The following DYDC1 variants were observed in gnomAD, a reference collection of about 807,000 sequenced individuals.
The protein encoded by DYDC1 is DPY30 domain containing 1.
In DYDC1, 21 loss-of-function variants were observed where a neutral mutation model predicts 27.9. That is an observed-to-expected ratio of 0.75 (90% CI 0.53 to 1.08). The LOEUF (loss-of-function observed/expected upper bound fraction) is 1.08, where lower values mean the gene tolerates loss of function less well. Among genes scored for constraint, DYDC1 ranks in the 50% least tolerant of loss-of-function variants. The probability of loss-of-function intolerance (pLI) is 0.00; values close to 1 mark genes in which losing one functional copy is unlikely to be tolerated. For missense variants in DYDC1, 202 were observed against 205.9 expected (o/e 0.98, Z 0.12); for synonymous variants, 67 against 65.8 (o/e 1.02, Z -0.09).
At chr10:80,350,665 T>C (rs777499339) in intron 3 of DYDC1, among the ~76,000 whole-genome samples, 6 of 152,226 alleles carry the variant, frequency 3.9e-5, no homozygotes, top group Non-Finnish European at 8.8e-5. Flanking sequence ...GGTCTATATT[T>C]TTCTTTCTAT....
At chr10:80,349,928 A>G (rs1842886012) in intron 3 of DYDC1, among the ~76,000 whole-genome samples, 1 of 152,216 alleles carries the variant, frequency 6.6e-6, no homozygotes, top group Admixed American at 6.5e-5. Flanking sequence ...CTAAAATATC[A>G]AGGAATTTCA....
intron 3 of DYDC1, among the ~76,000 whole-genome samples, chr10:80,349,717 G>A (rs960646517): frequency 3.3e-5 from 5 of 152,148 alleles, no homozygotes; most frequent in African/African-American, 1.2e-4. Context: ...ATAACAGTCA[G>A]ATTGATCAAA....
rs1842780980 is a variant in DYDC1, at chr10:80,348,164, T to C, written c.249+3737A>G. On this transcript the variant is annotated intron_variant, in intron 3 of 6. Transcript: ENST00000372202. ...TTTTACAGTTTTCAAGGTATAGATG[T>C]TTCACCTCCTTGGTTACATTTATTC... 2.0e-5 allele frequency among the ~76,000 whole-genome samples: 3 copies of C among 152,244 alleles called. No homozygotes were observed. In the South Asian group the frequency reaches 6.2e-4, roughly 31 times the overall value.
chr10:80,351,776 A>C, intron 3 of DYDC1, 125 bp downstream of exon 3: 1 of 820,886 alleles, frequency 1.2e-6, no homozygotes, highest in Non-Finnish European at 1.9e-6. Flanking sequence ...ATCCATAAAG[A>C]TGAAGATATT....
In DYDC1 at chr10:80,342,180, C is replaced by T; in HGVS notation, c.342+89G>A. ...TGGCATGTCTTCAGACTACAAATCCCATGGTCCTTCTGCTAACAGCTGAAA... is the reference window on the plus strand; with the variant it reads ...TGGCATGTCTTCAGACTACAAATCCTATGGTCCTTCTGCTAACAGCTGAAA... On this transcript the variant is annotated intron_variant, in intron 4 of 6. Transcript: ENST00000372202. The T allele has an allele frequency of 2.3e-6, 3 of 1,299,564 alleles. No individual in the cohort carries two copies. The East Asian group carries it at 7.0e-5, about 30-fold the overall frequency. 80.5% of individuals were successfully genotyped at this position (1,299,564 alleles called of 1,614,324 possible).
intron 1 of DYDC1, chr10:80,356,486 AG>A: frequency 1.0e-6 from 1 of 985,324 alleles, no homozygotes; most frequent in Non-Finnish European, 1.2e-6. Flanking sequence ...GGAGTCTGGA[AG>A]GGTCTCCCGC....
At chr10:80,350,830 G>A (rs1164636640) in intron 3 of DYDC1, among the ~76,000 whole-genome samples, 1 of 152,076 alleles carries the variant, frequency 6.6e-6, no homozygotes, top group Non-Finnish European at 1.5e-5. Context: ...AGCCATTCTG[G>A]AACTTTCCTC....
At chr10:80,337,873 T>C (rs1842184985) in intron 6 of DYDC1, among the ~76,000 whole-genome samples, 1 of 152,236 alleles carries the variant, frequency 6.6e-6, no homozygotes. Context: ...GGCTTACATC[T>C]GCTGATCCGG....
intron 3 of DYDC1, among the ~76,000 whole-genome samples, chr10:80,347,276 C>CTTTTTTTTTTTT (rs556362145): frequency 2.2e-5 from 2 of 90,122 alleles, no homozygotes; most frequent in African/African-American, 4.4e-5. Context: ...AATTGGGATC[C>CTTTTTTTTTTTT]TTTTTTTTTT....
chr10:80,350,629 A>AG (rs1334962408), intron 3 of DYDC1, among the ~76,000 whole-genome samples: 1 of 152,212 alleles, frequency 6.6e-6, no homozygotes, highest in Non-Finnish European at 1.5e-5. Context: ...CAGGGATAGG[A>AG]GGTTAGTCAG....
At chr10:80,353,764 T>C (rs1257861705) in intron 1 of DYDC1, among the ~76,000 whole-genome samples, 5 of 151,960 alleles carry the variant, frequency 3.3e-5, no homozygotes, top group Non-Finnish European at 4.4e-5. Flanking sequence ...TGATACCCAT[T>C]TTTCAGGTAT....
In DYDC1 at chr10:80,351,895, C is replaced by T. The variant is rs1247644375; in HGVS notation, c.249+6G>A. ...AGTCCCCTCTGAACTCTCCTACTTGCCTCACCTGCTGAAGTAAGAGCTCCT... is the reference window on the plus strand; with the variant it reads ...AGTCCCCTCTGAACTCTCCTACTTGTCTCACCTGCTGAAGTAAGAGCTCCT... On this transcript the variant is annotated splice_donor_region_variant and intron_variant, in intron 3 of 6. Transcript: ENST00000372202. 3 of 1,613,852 alleles carry T rather than the reference C, an allele frequency of 1.9e-6. No individual in the cohort carries two copies. Among genetic ancestry groups the T allele is most frequent in the Non-Finnish European group, 2.5e-6 (3 of 1,179,812 alleles).
At chr10:80,351,420 T>A (rs900976620) in intron 3 of DYDC1, among the ~76,000 whole-genome samples, 7 of 150,950 alleles carry the variant, frequency 4.6e-5, no homozygotes, top group Non-Finnish European at 1.0e-4. Flanking sequence ...AAAACATCTC[T>A]CCTTGCTATC....
chr10:80,355,131 A>C (rs1933787047), intron 1 of DYDC1, among the ~76,000 whole-genome samples: 1 of 151,864 alleles, frequency 6.6e-6, no homozygotes, highest in Non-Finnish European at 1.5e-5. Flanking sequence ...ACGACAAAGA[A>C]GAGAAGAGTC....
intron 6 of DYDC1, chr10:80,338,146 T>C: frequency 1.0e-6 from 1 of 985,448 alleles, no homozygotes; most frequent in South Asian, 4.7e-5. Context: ...CAGGGTTTGC[T>C]ACTGAGAACA....
At chr10:80,354,808 C>T (rs1197261609) in intron 1 of DYDC1, among the ~76,000 whole-genome samples, 1 of 152,126 alleles carries the variant, frequency 6.6e-6, no homozygotes, top group Non-Finnish European at 1.5e-5. Flanking sequence ...ATGCCAATGC[C>T]TTGATTTTAG....
intron 3 of DYDC1, among the ~76,000 whole-genome samples, chr10:80,350,862 C>T (rs774633885): frequency 6.6e-6 from 1 of 152,144 alleles, no homozygotes; most frequent in Non-Finnish European, 1.5e-5. Flanking sequence ...TACTCCATGA[C>T]CCATCCCTTC....
At chr10:80,337,025 T>G (rs920683285) in intron 6 of DYDC1, 1 of 689,330 alleles carries the variant, frequency 1.5e-6, no homozygotes, top group Non-Finnish European at 1.8e-6. Context: ...CAAGACCCAG[T>G]GTGCTCTGCC....
At position 80,352,449 on chromosome 10, in the gene DYDC1, A is replaced by T. The variant is rs1843053737; in HGVS notation, c.147+6T>A. The T allele has an allele frequency of 6.3e-7, 1 of 1,593,002 alleles. No individual in the cohort carries two copies. The highest frequency in any genetic ancestry group is 2.3e-5 in the East Asian group (1 of 44,094). On this transcript the variant is annotated splice_donor_region_variant and intron_variant, in intron 2 of 6. Transcript: ENST00000372202. Reference sequence around the variant, plus strand: ...TCTAATTTCCTAGAAGGAGATTCCTACTTACCAGTTGTTCCATGGTCACAT... The same window carrying T: ...TCTAATTTCCTAGAAGGAGATTCCTTCTTACCAGTTGTTCCATGGTCACAT...
Sources: gnomAD v4.1 joint callset for allele counts (sites outside exome capture counted in the v4.1 genomes callset) on GRCh38, gnomAD v4.1.1 for gene constraint, MANE v1.5 for transcripts, NCBI Gene and HGNC (gene_info 2026-07-23, HGNC 2026-07-21) for gene names.